Variants in NALF1 observed in about 807,000 individuals in gnomAD.
The protein encoded by NALF1 is family with sequence similarity 155 member A.
A neutral mutation model predicts 48.4 loss-of-function variants in NALF1; 3 were observed. That is an observed-to-expected ratio of 0.06 (90% CI 0.03 to 0.16). NALF1 has a LOEUF of 0.16. Among genes scored for constraint, NALF1 ranks in the 10% least tolerant of loss-of-function variants. NALF1 has a pLI of 1.00. For missense variants in NALF1, 526 were observed against 571.5 expected (o/e 0.92, Z 0.81); for synonymous variants, 262 against 245.7 (o/e 1.07, Z -0.62).
At chr13:107,382,234 A>T (rs2138975092) in intron 1 of NALF1, among the ~76,000 whole-genome samples, 1 of 152,324 alleles carries the variant, frequency 6.6e-6, no homozygotes, top group East Asian at 1.9e-4. Flanking sequence ...TATGTACGTG[A>T]TATATACATG....
chr13:107,485,592 G>A lies in NALF1; in HGVS notation c.916-274837C>T, dbSNP rs7339247. Among the ~76,000 whole-genome samples, 937 of 152,272 alleles carry A rather than the reference G, an allele frequency of 6.2e-3. 10 individuals carry two copies. Among genetic ancestry groups the A allele is most frequent in the African/African-American group, 0.021 (892 of 41,552 alleles). On this transcript the variant is annotated intron_variant, in intron 1 of 2. Coordinates refer to ENST00000375915, the MANE Select transcript of NALF1 (RefSeq NM_001080396.3). ...TTGGGAACTGAACTGCTTGGGAACA[G>A]GCAGAGGTCATGCCTCATTTATTTC...
chr13:107,540,882 T>A (rs1438138775), intron 1 of NALF1, among the ~76,000 whole-genome samples: 3 of 152,144 alleles, frequency 2.0e-5, no homozygotes, highest in African/African-American at 7.2e-5. Flanking sequence ...AAAGAGTAGA[T>A]TCTGCTTAAG....
At chr13:107,174,738 A>G (rs1305164355) in intron 2 of NALF1, among the ~76,000 whole-genome samples, 1 of 151,958 alleles carries the variant, frequency 6.6e-6, no homozygotes, top group Non-Finnish European at 1.5e-5. Context: ...CAGGAAGCAG[A>G]AGGCCAGGGA....
chr13:107,310,220 G>A (rs1009949250), intron 1 of NALF1, among the ~76,000 whole-genome samples: 8 of 152,076 alleles, frequency 5.3e-5, no homozygotes, highest in Admixed American at 6.5e-5. Flanking sequence ...GACCAGCCTC[G>A]CCAACATGGT....
intron 1 of NALF1, among the ~76,000 whole-genome samples, chr13:107,814,864 C>G (rs905436946): frequency 6.6e-6 from 1 of 152,102 alleles, no homozygotes; most frequent in Non-Finnish European, 1.5e-5. Context: ...TCACCCAACA[C>G]AGCAGAATGA....
intron 1 of NALF1, among the ~76,000 whole-genome samples, chr13:107,803,249 A>T (rs1816422689): frequency 6.6e-6 from 1 of 152,196 alleles, no homozygotes; most frequent in Admixed American, 6.6e-5. Flanking sequence ...TGGATCCAAT[A>T]GGTAAACAAT....
At chr13:107,292,586 T>A (rs1881644138) in intron 1 of NALF1, among the ~76,000 whole-genome samples, 2 of 152,114 alleles carry the variant, frequency 1.3e-5, no homozygotes, top group Non-Finnish European at 2.9e-5. Context: ...ATCACTGTCT[T>A]CCACCTCCAC....
chr13:107,776,772 C>T (rs759531848), intron 1 of NALF1, among the ~76,000 whole-genome samples: 1 of 152,110 alleles, frequency 6.6e-6, no homozygotes, highest in Non-Finnish European at 1.5e-5. Flanking sequence ...AAACTAATAC[C>T]AGTTTTAGTG....
chr13:107,494,455 T>G (rs1462294362), intron 1 of NALF1, among the ~76,000 whole-genome samples: 1 of 152,148 alleles, frequency 6.6e-6, no homozygotes, highest in Non-Finnish European at 1.5e-5. Flanking sequence ...AAATCAACAC[T>G]GCTTTTCATC....
At chr13:107,859,531 G>A (rs1880514048) in intron 1 of NALF1, among the ~76,000 whole-genome samples, 1 of 152,124 alleles carries the variant, frequency 6.6e-6, no homozygotes, top group African/African-American at 2.4e-5. Flanking sequence ...ATGCATTCCA[G>A]TACAATACAA....
chr13:107,300,427 A>G (rs1881815243), intron 1 of NALF1, among the ~76,000 whole-genome samples: 2 of 152,176 alleles, frequency 1.3e-5, no homozygotes, highest in Admixed American at 6.5e-5. Context: ...AAGGTGAGTT[A>G]TCATTCACAG....
intron 1 of NALF1, among the ~76,000 whole-genome samples, chr13:107,804,750 A>G (rs1336472060): frequency 3.3e-5 from 5 of 152,238 alleles, no homozygotes. Context: ...AATCTTTAGA[A>G]TTCAATATGC....
chr13:107,562,102 T>A (rs1032126685), intron 1 of NALF1, among the ~76,000 whole-genome samples: 2 of 152,216 alleles, frequency 1.3e-5, no homozygotes, highest in Admixed American at 1.3e-4. Context: ...TTTGCTGTTT[T>A]GACCTTGCCT....
rs550685910 is a variant in NALF1, at chr13:107,329,137, T to G, written c.916-118382A>C. The stretch of plus-strand genomic sequence containing the variant: ...AATGTGCAACATTCAAGAACAAACG[T>G]GTACCATAAATATAAAATAACTATA... On this transcript the variant is annotated intron_variant, in intron 1 of 2. Coordinates refer to ENST00000375915, the MANE Select transcript of NALF1 (RefSeq NM_001080396.3). 1.6e-4 allele frequency among the ~76,000 whole-genome samples: 25 copies of G among 152,278 alleles called. No individual in the cohort carries two copies. The South Asian group carries it at 5.2e-3, about 32-fold the overall frequency.
chr13:107,622,756 T>G (rs1047904856), intron 1 of NALF1, among the ~76,000 whole-genome samples: 4 of 152,216 alleles, frequency 2.6e-5, no homozygotes, highest in African/African-American at 9.6e-5. Flanking sequence ...TATTTATTTA[T>G]GTATTTATTT....
intron 1 of NALF1, among the ~76,000 whole-genome samples, chr13:107,706,064 G>A (rs1881939319): frequency 6.6e-6 from 1 of 152,130 alleles, no homozygotes; most frequent in Non-Finnish European, 1.5e-5. Flanking sequence ...TATCGCCAAT[G>A]ACTATAACTT....
intron 1 of NALF1, among the ~76,000 whole-genome samples, chr13:107,235,148 G>A (rs1490469127): frequency 6.6e-6 from 1 of 152,092 alleles, no homozygotes. Flanking sequence ...ATTCATCGTT[G>A]TATAACTTAT....
chr13:107,540,030 T>C (rs187422533), intron 1 of NALF1, among the ~76,000 whole-genome samples: 5 of 128,262 alleles, frequency 3.9e-5, no homozygotes, highest in East Asian at 2.5e-4. Flanking sequence ...CGACAATAGA[T>C]ACCCATCAGC....
At chr13:107,323,482 G>A (rs1291813544) in intron 1 of NALF1, among the ~76,000 whole-genome samples, 1 of 152,056 alleles carries the variant, frequency 6.6e-6, no homozygotes, top group East Asian at 1.9e-4. Context: ...TATTTCTGAT[G>A]TTGCCACCTC....
Sources: allele counts gnomAD v4.1 joint callset (sites outside exome capture counted in the v4.1 genomes callset), GRCh38; gene constraint gnomAD v4.1.1; transcripts MANE v1.5; gene names NCBI Gene and HGNC (gene_info 2026-07-23, HGNC 2026-07-21).